The following CALN1 variants were observed in gnomAD, a reference collection of about 807,000 sequenced individuals.
CALN1 encodes calneuron 1, also known as calcium-binding protein 8.
In CALN1, 17 loss-of-function variants were observed where a neutral mutation model predicts 30.6. That is an observed-to-expected ratio of 0.56 (90% CI 0.38 to 0.83). CALN1 has a LOEUF of 0.83. Among genes scored for constraint, CALN1 ranks in the 40% least tolerant of loss-of-function variants. CALN1 has a pLI of 0.00. For synonymous variants in CALN1, 156 were observed against 131.4 expected, an observed-to-expected ratio of 1.19 and a Z score of -1.28; for missense variants, 291 against 354.9, an observed-to-expected ratio of 0.82 and a Z score of 1.45.
At chr7:72,481,778 G>A in the CALN1 span, among the ~76,000 whole-genome samples, 1 of 152,110 alleles carries the variant, frequency 6.6e-6, no homozygotes, top group Non-Finnish European at 1.5e-5. Context: ...AAGCTTTTCT[G>A]TTATTGATTT....
intron 2 of CALN1, among the ~76,000 whole-genome samples, chr7:72,354,470 G>A (rs1803109607): frequency 1.3e-5 from 2 of 152,210 alleles, no homozygotes; most frequent in African/African-American, 2.4e-5. Flanking sequence ...ATATATGTAT[G>A]CAAAGGACAT....
chr7:72,312,141 C>A (rs1381048213), intron 2 of CALN1, among the ~76,000 whole-genome samples: 1 of 152,154 alleles, frequency 6.6e-6, no homozygotes, highest in East Asian at 1.9e-4. Context: ...CAGTGGCTCA[C>A]ACCTGTAATC....
the CALN1 span, among the ~76,000 whole-genome samples, chr7:72,486,430 G>A: frequency 6.6e-6 from 1 of 151,980 alleles, no homozygotes; most frequent in Non-Finnish European, 1.5e-5. Flanking sequence ...GGAGTACAGT[G>A]GCATAATATC....
intron 4 of CALN1, among the ~76,000 whole-genome samples, chr7:72,097,575 A>C (rs1299634296): frequency 6.6e-6 from 1 of 150,872 alleles, no homozygotes; most frequent in African/African-American, 2.4e-5. Context: ...TGGGAAGCGG[A>C]GGTGGGAGAA....
chr7:72,360,288 G>A (rs1803495182), intron 2 of CALN1, among the ~76,000 whole-genome samples: 1 of 152,148 alleles, frequency 6.6e-6, no homozygotes, highest in African/African-American at 2.4e-5. Context: ...GGTGAAGTCT[G>A]TTGTGATGTT....
At chr7:72,038,272 C>G (rs1036920592) in intron 4 of CALN1, among the ~76,000 whole-genome samples, 4 of 152,164 alleles carry the variant, frequency 2.6e-5, no homozygotes, top group Non-Finnish European at 4.4e-5. Context: ...TACCCCACCC[C>G]CAAAGCTTCT....
At chr7:71,788,152 T>C (rs1394479661) in intron 6 of CALN1, among the ~76,000 whole-genome samples, 2 of 152,144 alleles carry the variant, frequency 1.3e-5, no homozygotes, top group African/African-American at 4.8e-5. Context: ...TCATGATGGA[T>C]GTGATGATCA....
chr7:71,821,741 C>G lies in CALN1; in HGVS notation c.502-11249G>C, dbSNP rs192210783. Among the ~76,000 whole-genome samples the G allele has an allele frequency of 4.6e-5, 7 of 151,352 alleles. No individual in the cohort carries two copies. In the East Asian group the frequency reaches 1.4e-3, roughly 29 times the overall value. On this transcript the variant is annotated intron_variant, in intron 5 of 6. Coordinates refer to ENST00000395275, the MANE Select transcript of CALN1 (RefSeq NM_031468.4). ...AAAAAAATCTATTTTTGTATCAGTA[C>G]AGCTATGCTTAATTCCTTTGGTGTG...
chr7:72,018,055 T>C (rs1033489756), intron 5 of CALN1, among the ~76,000 whole-genome samples: 2 of 152,026 alleles, frequency 1.3e-5, no homozygotes, highest in African/African-American at 4.8e-5. Flanking sequence ...TGCAAACTCA[T>C]GGCAGAACAC....
chr7:72,054,482 T>TAC (rs1395180823), intron 4 of CALN1, among the ~76,000 whole-genome samples: 6 of 40,870 alleles, frequency 1.5e-4, no homozygotes, highest in Admixed American at 3.5e-4. Context: ...TATACATACA[T>TAC]ATATATATAC....
chr7:71,806,035 A>G (rs1333640329), intron 6 of CALN1, among the ~76,000 whole-genome samples: 1 of 152,226 alleles, frequency 6.6e-6, no homozygotes, highest in African/African-American at 2.4e-5. Context: ...GAGCTGAACA[A>G]TGAGAACACA....
chr7:72,275,988 AC>A (rs1797307640), intron 3 of CALN1, among the ~76,000 whole-genome samples: 5 of 152,212 alleles, frequency 3.3e-5, no homozygotes, highest in Non-Finnish European at 7.3e-5. Flanking sequence ...AAGCCATTGC[AC>A]TGAAAAGTCA....
intron 2 of CALN1, among the ~76,000 whole-genome samples, chr7:72,280,452 A>G (rs1797660818): frequency 6.6e-6 from 1 of 152,234 alleles, no homozygotes; most frequent in Non-Finnish European, 1.5e-5. Context: ...GCTAGTTACA[A>G]GTGAGATGTT....
At chr7:71,841,779 T>C (rs750104254) in intron 5 of CALN1, among the ~76,000 whole-genome samples, 6 of 151,990 alleles carry the variant, frequency 3.9e-5, no homozygotes, top group Non-Finnish European at 5.9e-5. Flanking sequence ...ATGTTCTCAA[T>C]TGAGTGGGAG....
intron 2 of CALN1, among the ~76,000 whole-genome samples, chr7:72,309,714 G>A (rs182075696): frequency 5.9e-5 from 9 of 152,206 alleles, no homozygotes; most frequent in Admixed American, 3.3e-4. Context: ...TCCCACAGCC[G>A]GCCAAGAAAG....
intron 5 of CALN1, among the ~76,000 whole-genome samples, chr7:71,847,879 C>T (rs1465729909): frequency 6.9e-6 from 1 of 145,462 alleles, no homozygotes; most frequent in Non-Finnish European, 1.5e-5. Flanking sequence ...TCCCTTTTTG[C>T]TCGGCTCTCT....
Position 71,781,362 on chromosome 7 carries a change from TGA to T in CALN1, c.*6411_*6412del, listed in dbSNP as rs1562767252. 1 of 152,294 alleles carries T rather than the reference TGA, an allele frequency of 6.6e-6. No individual in the cohort carries two copies. Among genetic ancestry groups the T allele is most frequent in the Non-Finnish European group, 1.5e-5 (1 of 68,114 alleles). The allele number at this position is 152,294 out of a possible 1,614,324, so 9.4% of individuals were successfully genotyped here. ...CTCAGTTTAACAGGTCTGAGAGCCC[TGA>T]GAGAGGCATTCTGGGCTTGACAGAT... On this transcript the variant is annotated 3_prime_UTR_variant, in exon 7 of 7. Transcript: ENST00000395275.
At chr7:72,503,503 G>A in the CALN1 span, among the ~76,000 whole-genome samples, 1 of 152,036 alleles carries the variant, frequency 6.6e-6, no homozygotes, top group Non-Finnish European at 1.5e-5. Context: ...GCAGCCTTCC[G>A]GGGTTCGGAC....
intron 4 of CALN1, among the ~76,000 whole-genome samples, chr7:72,050,863 C>A (rs1328983857): frequency 1.3e-5 from 2 of 151,754 alleles, no homozygotes; most frequent in Non-Finnish European, 2.9e-5. Flanking sequence ...ATTAGCCAAG[C>A]ATGGTATAAT....
Sources: allele counts gnomAD v4.1 joint callset (sites outside exome capture counted in the v4.1 genomes callset), GRCh38; gene constraint gnomAD v4.1.1; transcripts MANE v1.5; gene names NCBI Gene and HGNC (gene_info 2026-07-23, HGNC 2026-07-21).